The following THSD7A variants were observed in gnomAD, a reference collection of about 807,000 sequenced individuals.
THSD7A encodes the protein thrombospondin type 1 domain containing 7A.
THSD7A carries 96 observed loss-of-function variants against 231.3 expected under a neutral mutation model. The observed-to-expected ratio is 0.41, with a 90% CI of 0.35 to 0.49. The LOEUF is 0.49. THSD7A is among the 20% of genes least tolerant of loss of function. The probability of loss-of-function intolerance (pLI) is 0.05; values close to 1 mark genes in which losing one functional copy is unlikely to be tolerated. For missense variants in THSD7A, 2,290 were observed against 2,070.2 expected (o/e 1.11, Z -2.06); for synonymous variants, 940 against 743.3 (o/e 1.26, Z -4.30).
At chr7:11,460,066 CA>C (rs1785447394) in intron 11 of THSD7A, among the ~76,000 whole-genome samples, 1 of 151,898 alleles carries the variant, frequency 6.6e-6, no homozygotes, top group Non-Finnish European at 1.5e-5. Context: ...ATAATTATGG[CA>C]AAGTTGAACA....
chr7:11,731,085 G>C (rs1029496099), intron 1 of THSD7A, among the ~76,000 whole-genome samples: 1 of 151,036 alleles, frequency 6.6e-6, no homozygotes, highest in Admixed American at 6.6e-5. Context: ...ATTTAATTTT[G>C]TCTCTTTTCA....
chr7:11,702,384 T>G (rs1416233929), intron 1 of THSD7A, among the ~76,000 whole-genome samples: 1 of 151,258 alleles, frequency 6.6e-6, no homozygotes, highest in African/African-American at 2.4e-5. Context: ...TCTGTATTCT[T>G]GCTGTTTGTC....
chr7:11,668,620 A>G (rs1291601965), intron 1 of THSD7A, among the ~76,000 whole-genome samples: 1 of 152,188 alleles, frequency 6.6e-6, no homozygotes, highest in African/African-American at 2.4e-5. Flanking sequence ...AAATGAATCA[A>G]ACAAACAAAG....
intron 1 of THSD7A, among the ~76,000 whole-genome samples, chr7:11,763,779 T>A (rs949338834): frequency 6.6e-6 from 1 of 152,192 alleles, no homozygotes; most frequent in Non-Finnish European, 1.5e-5. Context: ...ATATTTAGAT[T>A]CCTGCTCTAG....
At chr7:11,827,056 T>A (rs1785053479) in intron 1 of THSD7A, among the ~76,000 whole-genome samples, 1 of 152,098 alleles carries the variant, frequency 6.6e-6, no homozygotes, top group Admixed American at 6.6e-5. Flanking sequence ...CAGGCTGGAG[T>A]ACAATGGTGT....
chr7:11,759,601 C>A (rs577004437), intron 1 of THSD7A, among the ~76,000 whole-genome samples: 1 of 152,098 alleles, frequency 6.6e-6, no homozygotes, highest in South Asian at 2.1e-4. Flanking sequence ...TATCAGTTCT[C>A]ATATTCAGAA....
In THSD7A at chr7:11,632,858, TC is replaced by T. The variant is rs766908150; in HGVS notation, c.1022+3271del. 2.0e-4 allele frequency among the ~76,000 whole-genome samples: 31 copies of T among 152,338 alleles called. No homozygotes were observed. Among genetic ancestry groups the T allele is most frequent in the Admixed American group, 3.3e-4 (5 of 15,298 alleles). ...TTCTTTTAATTTCAGGAAAGTCTTA[TC>T]CTTGTATTTTGTTGTGTTTTCTGTT... On this transcript the variant is annotated intron_variant, in intron 2 of 27. Transcript: ENST00000423059. This position sits in a 1 kb window ranked among gnomAD's most constrained non-coding sequence, Gnocchi z 4.1.
intron 11 of THSD7A, among the ~76,000 whole-genome samples, chr7:11,447,894 T>A (rs1032983095): frequency 6.6e-6 from 1 of 152,138 alleles, no homozygotes; most frequent in Non-Finnish European, 1.5e-5. Context: ...AGTGTTTTAG[T>A]GGCAGAAAGC....
chr7:11,483,597 A>G (rs534105890), intron 6 of THSD7A, among the ~76,000 whole-genome samples: 2 of 152,328 alleles, frequency 1.3e-5, no homozygotes, highest in African/African-American at 4.8e-5. Flanking sequence ...GAAAATCATT[A>G]TTGTATAAGG....
rs527671001 is a variant in THSD7A at position 11,402,160 on chromosome 7, C to T, written c.4238-192G>A. 3.3e-5 allele frequency among the ~76,000 whole-genome samples: 5 copies of T among 152,128 alleles called. No individual in the cohort carries two copies. The East Asian group carries it at 5.8e-4, about 18-fold the overall frequency. Reference sequence around the variant, plus strand: ...ACTTTGTATATGTATTGTTATTTTCCGTATGGCTATTACTGGTCTATGTGT... The same window carrying T: ...ACTTTGTATATGTATTGTTATTTTCTGTATGGCTATTACTGGTCTATGTGT... On this transcript the variant is annotated intron_variant, in intron 22 of 27. Transcript: ENST00000423059.
intron 6 of THSD7A, among the ~76,000 whole-genome samples, chr7:11,507,034 T>C (rs1236008398): frequency 6.6e-6 from 1 of 152,206 alleles, no homozygotes; most frequent in African/African-American, 2.4e-5. Flanking sequence ...CTAGTGATTT[T>C]TAAAAGTTCC....
chr7:11,690,996 GA>G (rs1780214205), intron 1 of THSD7A, among the ~76,000 whole-genome samples: 1 of 151,720 alleles, frequency 6.6e-6, no homozygotes, highest in Admixed American at 6.6e-5. Flanking sequence ...AAAGGCAGCT[GA>G]CATTTTCATC....
intron 1 of THSD7A, among the ~76,000 whole-genome samples, chr7:11,736,483 G>GTGTGTA (rs556935427): frequency 0.022 from 3,391 of 151,064 alleles, 142 homozygotes; most frequent in African/African-American, 0.076. Flanking sequence ...GTGTGTGTGT[G>GTGTGTA]TAAAATAAAT....
intron 2 of THSD7A, among the ~76,000 whole-genome samples, chr7:11,604,653 A>C (rs1452790750): frequency 1.3e-5 from 2 of 152,164 alleles, no homozygotes; most frequent in African/African-American, 4.8e-5. Context: ...CCTGGAATTC[A>C]AACTATTCAG....
chr7:11,728,036 A>G (rs931896919), intron 1 of THSD7A, among the ~76,000 whole-genome samples: 12 of 151,970 alleles, frequency 7.9e-5, no homozygotes, highest in Non-Finnish European at 1.2e-4. Context: ...TACTCCAAGT[A>G]TGGTCAAGGG....
chr7:11,522,231 T>G (rs1788296735), intron 6 of THSD7A, among the ~76,000 whole-genome samples: 1 of 152,166 alleles, frequency 6.6e-6, no homozygotes, highest in African/African-American at 2.4e-5. Flanking sequence ...GAATTCCTAC[T>G]TAGAAGCCTA....
At chr7:11,732,866 T>G (rs1562513864) in intron 1 of THSD7A, among the ~76,000 whole-genome samples, 2 of 151,824 alleles carry the variant, frequency 1.3e-5, no homozygotes, top group South Asian at 4.1e-4. Flanking sequence ...AAAAATGCTT[T>G]CAAACAATGC....
chr7:11,378,348 G>A (rs1322758699), intron 26 of THSD7A, among the ~76,000 whole-genome samples: 3 of 152,182 alleles, frequency 2.0e-5, no homozygotes, highest in African/African-American at 7.2e-5. Context: ...GTTAGTTCTA[G>A]GGATGAGCAT....
At chr7:11,565,882 C>A (rs1205061477) in intron 4 of THSD7A, among the ~76,000 whole-genome samples, 2 of 152,196 alleles carry the variant, frequency 1.3e-5, no homozygotes, top group Non-Finnish European at 2.9e-5. Flanking sequence ...CCTGTTCCTG[C>A]AGTTGCCAAC....
Sources: allele counts gnomAD v4.1 joint callset (sites outside exome capture counted in the v4.1 genomes callset), GRCh38; gene constraint gnomAD v4.1.1; non-coding constraint Gnocchi (gnomAD v3.1); transcripts MANE v1.5; gene names NCBI Gene and HGNC (gene_info 2026-07-23, HGNC 2026-07-21).